The following CAMK1D variants were observed in gnomAD, a reference collection of about 807,000 sequenced individuals.
CAMK1D encodes calcium/calmodulin dependent protein kinase ID.
In CAMK1D, 9 loss-of-function variants were observed where a neutral mutation model predicts 47.7. The observed-to-expected ratio is 0.19, with a 90% CI of 0.11 to 0.33. The LOEUF is 0.33. Among genes scored for constraint, CAMK1D ranks in the 10% least tolerant of loss-of-function variants. The pLI is 1.00. For synonymous variants in CAMK1D, 184 were observed against 184.9 expected, an observed-to-expected ratio of 0.99 and a Z score of 0.04; for missense variants, 291 against 488.7, an observed-to-expected ratio of 0.60 and a Z score of 3.81.
chr10:12,615,302 AT>A, intron 2 of CAMK1D, among the ~76,000 whole-genome samples: 1 of 152,360 alleles, frequency 6.6e-6, no homozygotes, highest in African/African-American at 2.4e-5. Context: ...GATTTGTTGC[AT>A]TTTATATTCC....
intron 2 of CAMK1D, among the ~76,000 whole-genome samples, chr10:12,560,553 C>T (rs1317905257): frequency 7.5e-5 from 8 of 107,296 alleles, no homozygotes; most frequent in Admixed American, 1.1e-4. Flanking sequence ...AACTCTATCT[C>T]GGAAAAAAAA....
chr10:12,349,961 C>A, intron 1 of CAMK1D, 51 bp downstream of exon 1: 2 of 1,110,944 alleles, frequency 1.8e-6, no homozygotes, highest in Non-Finnish European at 2.5e-6. Flanking sequence ...GCAGGGGCTG[C>A]ACGGGCAGCT....
At chr10:12,368,377 G>T (rs1837908593) in intron 1 of CAMK1D, among the ~76,000 whole-genome samples, 1 of 151,822 alleles carries the variant, frequency 6.6e-6, no homozygotes, top group African/African-American at 2.4e-5. Flanking sequence ...CTATACTCTA[G>T]CCTGGGTCAA....
Position 12,520,102 on chromosome 10 carries a change from C to A in CAMK1D, c.93-33123C>A, listed in dbSNP as rs1465430918. On this transcript the variant is annotated intron_variant, in intron 1 of 10. Coordinates refer to ENST00000619168, the MANE Select transcript of CAMK1D (RefSeq NM_153498.4). ...CCCACCTCCCTCCCGGACGGGGTGGCTGCCGGGCGGAGAGGCTCCTCACTT... is the reference window on the plus strand; with the variant it reads ...CCCACCTCCCTCCCGGACGGGGTGGATGCCGGGCGGAGAGGCTCCTCACTT... 2.4e-5 allele frequency among the ~76,000 whole-genome samples: 2 copies of A among 82,062 alleles called. 1 individual carries two copies. The highest frequency in any genetic ancestry group is 8.0e-4 in the East Asian group (2 of 2,508). The allele number at this position is 82,062 out of a possible 152,430, so 53.8% of individuals were successfully genotyped here.
At chr10:12,361,776 G>A (rs1049083798) in intron 1 of CAMK1D, among the ~76,000 whole-genome samples, 2 of 151,440 alleles carry the variant, frequency 1.3e-5, no homozygotes, top group South Asian at 2.1e-4. Flanking sequence ...GGCTGGTCTC[G>A]ATCTCCTGAC....
chr10:12,587,041 G>A (rs1310882414), intron 2 of CAMK1D, among the ~76,000 whole-genome samples: 1 of 152,052 alleles, frequency 6.6e-6, no homozygotes, highest in African/African-American at 2.4e-5. Context: ...CCTCTCACTC[G>A]GGGCATCTTC....
chr10:12,387,969 C>T (rs1469271129), intron 1 of CAMK1D, among the ~76,000 whole-genome samples: 1 of 152,116 alleles, frequency 6.6e-6, no homozygotes, highest in African/African-American at 2.4e-5. Flanking sequence ...CAGATGGAGC[C>T]CACTGTGGGA....
In CAMK1D at chr10:12,559,303, A is replaced by G. The variant is rs371611631; in HGVS notation, c.224+5947A>G. Among the ~76,000 whole-genome samples the G allele has an allele frequency of 6.6e-5, 10 of 152,120 alleles. No homozygotes were observed. The East Asian group carries it at 9.6e-4, about 15-fold the overall frequency. On this transcript the variant is annotated intron_variant, in intron 2 of 10. Coordinates refer to ENST00000619168, the MANE Select transcript of CAMK1D (RefSeq NM_153498.4). ...TCTCTAAAAAAATAAATAAAAGGAA[A>G]AAACAAAAATATTATGCTGATGCGC... is the stretch of plus-strand genomic sequence containing the variant.
chr10:12,401,044 TTA>T lies in CAMK1D; in HGVS notation c.92+51142_92+51143del, dbSNP rs1161936416. Reference sequence around the variant, plus strand: ...GTTTTATAATATATAAATATATGTATTATATATATTATATATATATTTTATAT... The same window carrying T: ...GTTTTATAATATATAAATATATGTATTATATATTATATATATATTTTATAT... On this transcript the variant is annotated intron_variant, in intron 1 of 10. Coordinates refer to ENST00000619168, the MANE Select transcript of CAMK1D (RefSeq NM_153498.4). 3.8e-5 allele frequency among the ~76,000 whole-genome samples: 4 copies of T among 105,342 alleles called. 1 individual carries two copies. The highest frequency in any genetic ancestry group is 7.1e-5 in the African/African-American group (2 of 27,996). 69.1% of individuals were successfully genotyped at this position (105,342 alleles called of 152,430 possible).
At chr10:12,622,823 A>G (rs1839039751) in intron 2 of CAMK1D, among the ~76,000 whole-genome samples, 1 of 152,012 alleles carries the variant, frequency 6.6e-6, no homozygotes, top group Non-Finnish European at 1.5e-5. Context: ...TTCCTGAAAT[A>G]GCCTGAGTAG....
rs35720911 is a variant in CAMK1D at position 12,684,785 on chromosome 10, AT to A, written c.299+17986del. Among the ~76,000 whole-genome samples, 388 of 149,766 alleles carry A rather than the reference AT, an allele frequency of 2.6e-3. 14 individuals carry two copies. In the South Asian group the frequency reaches 0.066, roughly 26 times the overall value. On this transcript the variant is annotated intron_variant, in intron 3 of 10. Coordinates refer to ENST00000619168, the MANE Select transcript of CAMK1D (RefSeq NM_153498.4). The stretch of plus-strand genomic sequence containing the variant: ...TCAGAAGATGTTGGGAGTTTGGCCA[AT>A]TTTTTTTTTTATCATGGTGCTATTT...
chr10:12,601,539 C>T (rs941847885), intron 2 of CAMK1D, among the ~76,000 whole-genome samples: 3 of 152,184 alleles, frequency 2.0e-5, no homozygotes, highest in Non-Finnish European at 4.4e-5. Context: ...TTTCGGCTCA[C>T]TGCAACCTCT....
In CAMK1D at chr10:12,383,261, AT is replaced by A. The variant is rs555841097; in HGVS notation, c.92+33362del. On this transcript the variant is annotated intron_variant, in intron 1 of 10. Transcript: ENST00000619168. ...AATAAAATTAGAATAGATCTTTCCA[AT>A]TTTTTTTTTTGTTGTTGTTACTGTA... Among the ~76,000 whole-genome samples the A allele has an allele frequency of 5.6e-3, 827 of 147,832 alleles. 2 individuals are homozygous for A. The highest frequency in any genetic ancestry group is 0.021 in the Middle Eastern group (6 of 280).
chr10:12,483,327 A>T (rs117891393), intron 1 of CAMK1D, among the ~76,000 whole-genome samples: 1 of 151,698 alleles, frequency 6.6e-6, no homozygotes, highest in Non-Finnish European at 1.5e-5. Flanking sequence ...CAGCCTCCCA[A>T]GTAGCTGAGA....
chr10:12,396,938 GC>G (rs1838984036), intron 1 of CAMK1D, among the ~76,000 whole-genome samples: 1 of 152,180 alleles, frequency 6.6e-6, no homozygotes, highest in South Asian at 2.1e-4. Context: ...TCTGTGTTTG[GC>G]CCACAGCTGT....
At chr10:12,639,447 C>T (rs571889329) in intron 2 of CAMK1D, among the ~76,000 whole-genome samples, 2 of 152,156 alleles carry the variant, frequency 1.3e-5, no homozygotes, top group East Asian at 1.9e-4. Flanking sequence ...ATCACGCCAT[C>T]GCACTCCAGC....
At chr10:12,492,012 T>G (rs996210464) in intron 1 of CAMK1D, among the ~76,000 whole-genome samples, 1 of 152,178 alleles carries the variant, frequency 6.6e-6, no homozygotes, top group African/African-American at 2.4e-5. Context: ...CTCGAACTCC[T>G]GACCTCAAGT....
rs576001514 is a variant in CAMK1D, at chr10:12,822,523, C to T, written c.834-1942C>T. ...GGCCGTGGGGTCTGAGACCACACTG[C>T]GGACAAGCAGGTGGACCCCGAGGCC... On this transcript the variant is annotated intron_variant, in intron 8 of 10. Coordinates refer to ENST00000619168, the MANE Select transcript of CAMK1D (RefSeq NM_153498.4). 3.9e-5 allele frequency among the ~76,000 whole-genome samples: 6 copies of T among 152,344 alleles called. No individual in the cohort carries two copies. In the South Asian group the frequency reaches 8.3e-4, roughly 21 times the overall value.
rs1391556192 is a variant in CAMK1D at position 12,835,423 on chromosome 10, G to A, written c.*6536G>A. ...TTGCGGCACTGCAAAATTGTTCATG[G>A]GTCTATGTAGCAAATGATTCTCTGC... On this transcript the variant is annotated 3_prime_UTR_variant, in exon 11 of 11. Transcript: ENST00000619168. 6.6e-6 allele frequency: 1 copy of A among 152,108 alleles called. No individual in the cohort carries two copies. The highest frequency in any genetic ancestry group is 1.5e-5 in the Non-Finnish European group (1 of 68,014). The allele number at this position is 152,108 out of a possible 1,614,324, so 9.4% of individuals were successfully genotyped here. A position where few individuals can be genotyped will look rare whatever the true frequency, so the allele number is the denominator to read the frequency against.
Sources: gnomAD v4.1 joint callset for allele counts (sites outside exome capture counted in the v4.1 genomes callset) on GRCh38, gnomAD v4.1.1 for gene constraint, MANE v1.5 for transcripts, NCBI Gene and HGNC (gene_info 2026-07-23, HGNC 2026-07-21) for gene names.